Variants in LEMD1 observed in about 807,000 individuals in gnomAD.
The protein encoded by LEMD1 is LEM domain-containing protein 1.
In LEMD1, 18 loss-of-function variants were observed where a neutral mutation model predicts 17.4. The ratio of observed to expected loss-of-function variants is 1.04; its 90% CI spans 0.72 to 1.54. LEMD1 has a LOEUF of 1.54. Among genes scored for constraint, LEMD1 ranks in the 40% most tolerant of loss-of-function variants. The pLI, the probability that LEMD1 is intolerant of heterozygous loss-of-function variation, is 0.00. For missense variants in LEMD1, 195 were observed against 210.4 expected, an observed-to-expected ratio of 0.93 and a Z score of 0.45; for synonymous variants, 88 against 77.8, an observed-to-expected ratio of 1.13 and a Z score of -0.69.
intron 1 of LEMD1, among the ~76,000 whole-genome samples, chr1:205,439,681 A>AG (rs1239756349): frequency 2.0e-5 from 3 of 152,138 alleles, no homozygotes; most frequent in Admixed American, 6.5e-5. Context: ...GGGGAGCTAG[A>AG]GGGGGTCTGA....
At chr1:205,427,829 A>G (rs1335054364) in intron 1 of LEMD1, among the ~76,000 whole-genome samples, 1 of 152,272 alleles carries the variant, frequency 6.6e-6, no homozygotes, top group Non-Finnish European at 1.5e-5. Flanking sequence ...CAGTCTGTAC[A>G]TGCAGGAGGA....
chr1:205,395,878 G>T (rs763683933), intron 4 of LEMD1, among the ~76,000 whole-genome samples: 6 of 152,098 alleles, frequency 3.9e-5, no homozygotes, highest in Non-Finnish European at 8.8e-5. Flanking sequence ...CAATAAATGT[G>T]AAAAGATGCC....
intron 4 of LEMD1, among the ~76,000 whole-genome samples, chr1:205,414,587 G>A (rs1469925236): frequency 6.6e-6 from 1 of 152,020 alleles, no homozygotes; most frequent in Non-Finnish European, 1.5e-5. Flanking sequence ...ACCACACCCA[G>A]CCAGTTTTTT....
chr1:205,427,089 T>C (rs917747275), intron 1 of LEMD1, among the ~76,000 whole-genome samples: 4 of 152,138 alleles, frequency 2.6e-5, no homozygotes, highest in Admixed American at 6.6e-5. Context: ...GGTTGTATCC[T>C]GGATTTTTGT....
Position 205,401,856 on chromosome 1 carries a change from A to G in LEMD1, c.270+14376T>C, listed in dbSNP as rs537114044. 3.9e-5 allele frequency among the ~76,000 whole-genome samples: 6 copies of G among 152,230 alleles called. No individual in the cohort carries two copies. The East Asian group carries it at 1.2e-3, about 29-fold the overall frequency. On this transcript the variant is annotated intron_variant, in intron 4 of 5. Transcript: ENST00000367153. ...TTTAGGTCTAACGTTTAAGTCTTTA[A>G]TCCATCTTGAATTAATTTTTGTATA...
intron 1 of LEMD1, chr1:205,440,677 TC>T (rs1200604295): frequency 6.6e-6 from 1 of 152,498 alleles, no homozygotes; most frequent in African/African-American, 2.4e-5. Context: ...GTCCTGGGGT[TC>T]CCCCTTGTGT....
intron 1 of LEMD1, among the ~76,000 whole-genome samples, chr1:205,434,412 C>T (rs759891974): frequency 1.3e-5 from 2 of 151,002 alleles, no homozygotes; most frequent in Non-Finnish European, 2.9e-5. Flanking sequence ...GTTGCCCAGG[C>T]TGGTCTTAAC....
At chr1:205,385,961 G>A (rs1663990591) in intron 4 of LEMD1, 1 of 152,668 alleles carries the variant, frequency 6.6e-6, no homozygotes, top group East Asian at 1.9e-4. Flanking sequence ...AGAAGCACAA[G>A]GAAAGTCAAG....
intron 5 of LEMD1, chr1:205,382,120 G>A (rs1454402238): frequency 2.2e-6 from 1 of 455,050 alleles, no homozygotes; most frequent in South Asian, 2.7e-5. Flanking sequence ...TCCCACGTCT[G>A]CCTCTCGAGT....
At chr1:205,402,023 C>T (rs1206265823) in intron 4 of LEMD1, among the ~76,000 whole-genome samples, 5 of 151,988 alleles carry the variant, frequency 3.3e-5, no homozygotes, top group African/African-American at 7.3e-5. Context: ...AGATATGCGG[C>T]GTTATTTCTG....
chr1:205,426,168 A>C (rs758677470), upstream of LEMD1, among the ~76,000 whole-genome samples: 6 of 151,910 alleles, frequency 3.9e-5, no homozygotes, highest in Non-Finnish European at 7.4e-5. Context: ...AACGGTCCTA[A>C]CCTCCCGTCC....
chr1:205,408,733 C>T (rs1251980047), intron 4 of LEMD1, among the ~76,000 whole-genome samples: 1 of 151,850 alleles, frequency 6.6e-6, no homozygotes, highest in Non-Finnish European at 1.5e-5. Flanking sequence ...CTCCTGGGCT[C>T]AAGTGATCCT....
At chr1:205,413,717 A>G (rs1230632946) in intron 4 of LEMD1, among the ~76,000 whole-genome samples, 1 of 147,578 alleles carries the variant, frequency 6.8e-6, no homozygotes, top group Non-Finnish European at 1.5e-5. Context: ...TAGCTGCACA[A>G]TCTCGGCTCA....
intron 4 of LEMD1, among the ~76,000 whole-genome samples, chr1:205,412,130 G>A (rs1411707261): frequency 6.6e-6 from 1 of 152,092 alleles, no homozygotes; most frequent in East Asian, 1.9e-4. Context: ...AAATTATACG[G>A]CCACCTTACT....
chr1:205,442,236 C>T (rs564368134), intron 1 of LEMD1, among the ~76,000 whole-genome samples: 16 of 152,162 alleles, frequency 1.1e-4, no homozygotes, highest in Non-Finnish European at 2.2e-4. Flanking sequence ...CCAAGTGCTG[C>T]GGGGAAGGAG....
intron 1 of LEMD1, among the ~76,000 whole-genome samples, chr1:205,445,904 G>C (rs1666381189): frequency 2.0e-5 from 3 of 152,142 alleles, no homozygotes; most frequent in Non-Finnish European, 4.4e-5. Context: ...GAAGGAGTAG[G>C]GCTTAGTAGT....
At chr1:205,394,366 A>G (rs1362496775) in intron 4 of LEMD1, among the ~76,000 whole-genome samples, 1 of 113,818 alleles carries the variant, frequency 8.8e-6, no homozygotes, top group East Asian at 2.2e-4. Flanking sequence ...TTATTTGTTT[A>G]TTTAATTAAT....
intron 1 of LEMD1, among the ~76,000 whole-genome samples, chr1:205,447,206 C>T (rs183219990): frequency 1.0e-3 from 152 of 152,322 alleles, no homozygotes; most frequent in African/African-American, 2.8e-3. Context: ...TCCATATGAA[C>T]GTGGGCCAAT....
chr1:205,419,355 G>C lies in LEMD1; in HGVS notation c.83-3C>G. The C allele has an allele frequency of 6.2e-7, 1 of 1,614,180 alleles. No individual in the cohort carries two copies. The highest frequency in any genetic ancestry group is 2.2e-5 in the East Asian group (1 of 44,890). On this transcript the variant is annotated splice_polypyrimidine_tract_variant and splice_region_variant and intron_variant, in intron 2 of 5. Transcript: ENST00000367153. Reference sequence around the variant, plus strand: ...TTCATACAACTTTCTGGTGGAAGCTGAGGAAGAATTTGGAGAACAAATTAA... The same window carrying C: ...TTCATACAACTTTCTGGTGGAAGCTCAGGAAGAATTTGGAGAACAAATTAA...
Sources: gnomAD v4.1 joint callset for allele counts (sites outside exome capture counted in the v4.1 genomes callset) on GRCh38, gnomAD v4.1.1 for gene constraint, MANE v1.5 for transcripts, NCBI Gene and HGNC (gene_info 2026-07-23, HGNC 2026-07-21) for gene names.